PIGU: variants seen among roughly 807,000 people sequenced by gnomAD.
PIGU encodes the protein GPI-anchor transamidase component PIGU.
Under a neutral mutation model 49.9 loss-of-function variants are expected in PIGU, and 24 were observed. The observed-to-expected ratio is 0.48, with a 90% CI of 0.35 to 0.68. The LOEUF is 0.68. PIGU is among the 30% of genes least tolerant of loss of function. PIGU has a pLI of 0.01. For missense variants in PIGU, 490 were observed against 532.6 expected, an observed-to-expected ratio of 0.92 and a Z score of 0.79; for synonymous variants, 220 against 205.7, an observed-to-expected ratio of 1.07 and a Z score of -0.59.
At chr20:34,660,060 A>T (rs941911453) in intron 1 of PIGU, among the ~76,000 whole-genome samples, 5 of 150,934 alleles carry the variant, frequency 3.3e-5, no homozygotes, top group African/African-American at 1.2e-4. Context: ...AAAAAAAAAA[A>T]AAAAAAAAGA....
intron 4 of PIGU, among the ~76,000 whole-genome samples, chr20:34,638,658 G>T (rs1456345292): frequency 1.3e-5 from 2 of 152,196 alleles, no homozygotes; most frequent in Non-Finnish European, 2.9e-5. Flanking sequence ...AGGATCTTGG[G>T]TTATGTTTTA....
chr20:34,560,766 T>G lies in PIGU; in HGVS notation c.*100A>C. 1.2e-6 allele frequency: 1 copy of G among 855,512 alleles called. No homozygotes were observed. The highest frequency in any genetic ancestry group is 1.8e-5 in the African/African-American group (1 of 56,830). The allele number at this position is 855,512 out of a possible 1,614,324, so 53.0% of individuals were successfully genotyped here. On this transcript the variant is annotated 3_prime_UTR_variant, in exon 12 of 12. Coordinates refer to ENST00000217446, the MANE Select transcript of PIGU (RefSeq NM_080476.5). Reference sequence around the variant, plus strand: ...TGTGACCCTGGACTCGAACCTCTTCTGCCCAAGCACTCGCCTGCTGGCAAC... The same window carrying G: ...TGTGACCCTGGACTCGAACCTCTTCGGCCCAAGCACTCGCCTGCTGGCAAC...
chr20:34,676,841 A>T, intron 1 of PIGU, 115 bp downstream of exon 1: 4 of 1,228,416 alleles, frequency 3.3e-6, no homozygotes, highest in Non-Finnish European at 4.4e-6. Context: ...CCCACGAGAC[A>T]GTCAGTTAGT....
intron 2 of PIGU, among the ~76,000 whole-genome samples, chr20:34,645,700 C>T (rs1343108796): frequency 6.6e-6 from 1 of 152,044 alleles, no homozygotes; most frequent in African/African-American, 2.4e-5. Context: ...TGGAGACCAT[C>T]CTGGCTAACA....
rs554142612 is a variant in PIGU, at chr20:34,560,586, C to A, written c.*280G>T. Reference sequence around the variant, plus strand: ...CATTTATTAAGTAGCCACAATCTAACAAGCCCTGCTCACCTGCCTCTTCTC... The same window carrying A: ...CATTTATTAAGTAGCCACAATCTAAAAAGCCCTGCTCACCTGCCTCTTCTC... On this transcript the variant is annotated 3_prime_UTR_variant, in exon 12 of 12. Transcript: ENST00000217446. 9.7e-6 allele frequency: 4 copies of A among 413,916 alleles called. No homozygotes were observed. The highest frequency in any genetic ancestry group is 8.2e-5 in the African/African-American group (4 of 48,622). The allele number at this position is 413,916 out of a possible 1,614,324, so 25.6% of individuals were successfully genotyped here. A position where few individuals can be genotyped will look rare whatever the true frequency, so the allele number is the denominator to read the frequency against.
At chr20:34,590,614 AAC>A (rs1983921085) in intron 7 of PIGU, among the ~76,000 whole-genome samples, 1 of 151,870 alleles carries the variant, frequency 6.6e-6, no homozygotes, top group South Asian at 2.1e-4. Context: ...AACATAACAT[AAC>A]ATAACATAAC....
In PIGU at chr20:34,567,994, T is replaced by C. The variant is rs376142842; in HGVS notation, c.1195-7015A>G. Among the ~76,000 whole-genome samples the C allele has an allele frequency of 2.6e-5, 4 of 152,232 alleles. No homozygotes were observed. The East Asian group carries it at 7.7e-4, about 29-fold the overall frequency. On this transcript the variant is annotated intron_variant, in intron 11 of 11. Coordinates refer to ENST00000217446, the MANE Select transcript of PIGU (RefSeq NM_080476.5). ...CAGGCTGCCCTGTCCTGCCCATGTC[T>C]TTTCCTTTCTCTCCACAGACCGAGG...
intron 1 of PIGU, among the ~76,000 whole-genome samples, chr20:34,661,319 A>C (rs1282708485): frequency 1.8e-4 from 27 of 152,128 alleles, no homozygotes; most frequent in Admixed American, 1.8e-3. Flanking sequence ...CCAGGTAATA[A>C]GCACAGTACC....
intron 1 of PIGU, among the ~76,000 whole-genome samples, chr20:34,664,198 C>A (rs964062231): frequency 6.6e-6 from 1 of 152,060 alleles, no homozygotes; most frequent in South Asian, 2.1e-4. Flanking sequence ...TTGCCCGGGC[C>A]GGAGTGTAAT....
intron 10 of PIGU, 38 bp from the exon 11 acceptor site, chr20:34,575,284 C>T: frequency 6.2e-7 from 1 of 1,602,674 alleles, no homozygotes; most frequent in Non-Finnish European, 8.5e-7. Context: ...CTGACACGCT[C>T]TCTCTGGCAT....
intron 7 of PIGU, among the ~76,000 whole-genome samples, chr20:34,613,888 G>A (rs1381296424): frequency 6.6e-6 from 1 of 152,192 alleles, no homozygotes; most frequent in East Asian, 1.9e-4. Context: ...ACTGATGGTG[G>A]CACTGCAAAC....
chr20:34,612,533 A>T (rs4911434), intron 7 of PIGU, among the ~76,000 whole-genome samples: 56,350 of 151,636 alleles, frequency 0.37, 10,851 homozygotes, highest in Admixed American at 0.54. Flanking sequence ...AGTAAAATTT[A>T]AAAAAAAATT....
At chr20:34,601,968 G>A (rs1984441162) in intron 7 of PIGU, among the ~76,000 whole-genome samples, 1 of 152,190 alleles carries the variant, frequency 6.6e-6, no homozygotes, top group Admixed American at 6.5e-5. Flanking sequence ...AGCAAACGCT[G>A]ACTTAAAACG....
chr20:34,570,251 C>T (rs189680095), intron 11 of PIGU, among the ~76,000 whole-genome samples: 113 of 152,224 alleles, frequency 7.4e-4, no homozygotes, highest in Middle Eastern at 3.4e-3. Flanking sequence ...TAATAAAACA[C>T]ACATACCCAC....
chr20:34,571,767 A>G (rs1230660152), intron 11 of PIGU, among the ~76,000 whole-genome samples: 1 of 152,186 alleles, frequency 6.6e-6, no homozygotes, highest in East Asian at 1.9e-4. Flanking sequence ...GTAAAACTTG[A>G]AATGTCTCAT....
chr20:34,666,216 A>C (rs967892595), intron 1 of PIGU, among the ~76,000 whole-genome samples: 2 of 152,146 alleles, frequency 1.3e-5, no homozygotes, highest in African/African-American at 4.8e-5. Context: ...TATCATGCTG[A>C]AAACACTTTA....
intron 1 of PIGU, among the ~76,000 whole-genome samples, chr20:34,664,624 T>C (rs1987029161): frequency 6.6e-6 from 1 of 152,098 alleles, no homozygotes; most frequent in South Asian, 2.1e-4. Flanking sequence ...GACAAGATTG[T>C]GCCATTGCAT....
intron 7 of PIGU, among the ~76,000 whole-genome samples, chr20:34,609,090 G>A (rs942465457): frequency 3.3e-5 from 5 of 151,854 alleles, no homozygotes; most frequent in African/African-American, 4.8e-5. Flanking sequence ...GACCAGCCCG[G>A]GCAACAAAGT....
At chr20:34,609,457 C>T (rs1053003388) in intron 7 of PIGU, among the ~76,000 whole-genome samples, 3 of 152,040 alleles carry the variant, frequency 2.0e-5, no homozygotes, top group Non-Finnish European at 2.9e-5. Context: ...CTCCACCTTC[C>T]GCGTTCAAGC....
Sources: allele counts gnomAD v4.1 joint callset (sites outside exome capture counted in the v4.1 genomes callset), GRCh38; gene constraint gnomAD v4.1.1; transcripts MANE v1.5; gene names NCBI Gene and HGNC (gene_info 2026-07-23, HGNC 2026-07-21).